TET2: variants seen among roughly 807,000 people sequenced by gnomAD.
The protein encoded by TET2 is tet methylcytosine dioxygenase 2.
A neutral mutation model predicts 142.9 loss-of-function variants in TET2; 299 were observed. The ratio of observed to expected loss-of-function variants is 2.09; its 90% CI spans 1.90 to 2.30. The LOEUF is 2.30. Ranked by LOEUF, TET2 falls within the 30% of genes most tolerant of loss-of-function variation. TET2 has a pLI of 0.00. For synonymous variants in TET2, 819 were observed against 849.0 expected (o/e 0.96, Z 0.61); for missense variants, 2,418 against 2,378.0 (o/e 1.02, Z -0.35).
rs537884010 is a variant in TET2 at position 105,204,489 on chromosome 4, A to G, written c.-47+13984A>G. On this transcript the variant is annotated intron_variant, in intron 2 of 10. Coordinates refer to ENST00000380013, the MANE Select transcript of TET2 (RefSeq NM_001127208.3). ...ATTCTCAACTAAGAATAATTTACCAATGGAGAAAACTGTTAGTTTTCCCTT... is the reference window on the plus strand; with the variant it reads ...ATTCTCAACTAAGAATAATTTACCAGTGGAGAAAACTGTTAGTTTTCCCTT... 5.9e-5 allele frequency among the ~76,000 whole-genome samples: 9 copies of G among 152,292 alleles called. No individual in the cohort carries two copies. The South Asian group carries it at 6.2e-4, about 11-fold the overall frequency.
chr4:105,174,049 C>G (rs1191315145), intron 1 of TET2, among the ~76,000 whole-genome samples: 1 of 152,094 alleles, frequency 6.6e-6, no homozygotes, highest in East Asian at 1.9e-4. Context: ...CAATTAGAAA[C>G]ATGAGCTTAG....
chr4:105,224,688 C>CTCTCTCTCTA (rs1728070123), intron 2 of TET2, among the ~76,000 whole-genome samples: 1 of 128,518 alleles, frequency 7.8e-6, no homozygotes, highest in Non-Finnish European at 1.6e-5. Context: ...CAGCCAGTCT[C>CTCTCTCTCTA]TCTCTCTCTC....
Position 105,272,427 on chromosome 4 carries a change from T to C in TET2, c.4183-137T>C, listed in dbSNP as rs1578735648. 6.6e-6 allele frequency: 4 copies of C among 606,688 alleles called. No homozygotes were observed. In the East Asian group the frequency reaches 1.1e-4, roughly 17 times the overall value. 37.6% of individuals were successfully genotyped at this position (606,688 alleles called of 1,614,324 possible). A position where few individuals can be genotyped will look rare whatever the true frequency, so the allele number is the denominator to read the frequency against. On this transcript the variant is annotated intron_variant, in intron 9 of 10. Coordinates refer to ENST00000380013, the MANE Select transcript of TET2 (RefSeq NM_001127208.3). ...AATAACAGGTAGGATGGTTTTATGG[T>C]AATATATATGTCACTGATCTGGATC...
chr4:105,270,352 G>C, intron 9 of TET2, among the ~76,000 whole-genome samples: 1 of 152,120 alleles, frequency 6.6e-6, no homozygotes, highest in East Asian at 1.9e-4. Flanking sequence ...GGAAATCCTT[G>C]GTGTTAATCT....
chr4:105,272,463 C>T, intron 9 of TET2, 101 bp from the exon 10 acceptor site: 1 of 785,432 alleles, frequency 1.3e-6, no homozygotes, highest in East Asian at 2.7e-5. Flanking sequence ...AACTAGGCCA[C>T]CAACACAAAT....
intron 2 of TET2, among the ~76,000 whole-genome samples, chr4:105,210,395 T>A (rs578109270): frequency 1.3e-5 from 2 of 152,164 alleles, no homozygotes; most frequent in Non-Finnish European, 2.9e-5. Context: ...TCAGGCTGGC[T>A]TCTCCAACTG....
intron 2 of TET2, among the ~76,000 whole-genome samples, chr4:105,208,750 C>T (rs903002661): frequency 2.6e-5 from 4 of 151,770 alleles, no homozygotes; most frequent in Non-Finnish European, 4.4e-5. Flanking sequence ...ATTAATTTAG[C>T]GTGAATTCTG....
intron 1 of TET2, among the ~76,000 whole-genome samples, chr4:105,167,664 A>G (rs1214225930): frequency 1.3e-5 from 2 of 152,210 alleles, no homozygotes; most frequent in Non-Finnish European, 2.9e-5. Context: ...GTGCCCAGGC[A>G]TAGTCAGTGA....
rs1189258992 is a variant in TET2, at chr4:105,277,675, C to T, written c.*1156C>T. On this transcript the variant is annotated 3_prime_UTR_variant, in exon 11 of 11. Transcript: ENST00000380013. ...AGTCCACAAAACATGTTTTCTGGTGCTCATCTCACATGCTATACTGTAAAA... is the reference window on the plus strand; with the variant it reads ...AGTCCACAAAACATGTTTTCTGGTGTTCATCTCACATGCTATACTGTAAAA... 2 of 229,254 alleles carry T rather than the reference C, an allele frequency of 8.7e-6. No individual in the cohort carries two copies. The highest frequency in any genetic ancestry group is 1.7e-5 in the Non-Finnish European group (2 of 115,602). The allele number at this position is 229,254 out of a possible 1,614,324, so 14.2% of individuals were successfully genotyped here. A position where few individuals can be genotyped will look rare whatever the true frequency, so the allele number is the denominator to read the frequency against.
intron 1 of TET2, among the ~76,000 whole-genome samples, chr4:105,183,624 C>G (rs1049604423): frequency 6.6e-6 from 1 of 152,028 alleles, no homozygotes; most frequent in Non-Finnish European, 1.5e-5. Context: ...GAATTAGAAC[C>G]CAAGATTAAT....
chr4:105,160,965 G>A (rs192608289), intron 1 of TET2, among the ~76,000 whole-genome samples: 254 of 152,148 alleles, frequency 1.7e-3, no homozygotes, highest in Middle Eastern at 0.014. Context: ...TAGTAGAGGC[G>A]GGGTTTTACC....
chr4:105,260,412 C>G (rs1730365165), intron 7 of TET2, among the ~76,000 whole-genome samples: 1 of 151,630 alleles, frequency 6.6e-6, no homozygotes, highest in South Asian at 2.1e-4. Context: ...CCTATAAATC[C>G]GTTGTAAAAT....
intron 2 of TET2, among the ~76,000 whole-genome samples, chr4:105,197,060 A>G (rs768897052): frequency 2.6e-5 from 4 of 152,226 alleles, no homozygotes; most frequent in Admixed American, 6.5e-5. Flanking sequence ...GTTACATTAT[A>G]TCGGAGCTTG....
intron 2 of TET2, among the ~76,000 whole-genome samples, chr4:105,228,288 T>A (rs1307549905): frequency 6.6e-6 from 1 of 152,130 alleles, no homozygotes; most frequent in Admixed American, 6.5e-5. Flanking sequence ...TTCTAACATA[T>A]AACTTTCCTG....
At chr4:105,254,481 A>C (rs1730024926) in intron 6 of TET2, among the ~76,000 whole-genome samples, 1 of 152,166 alleles carries the variant, frequency 6.6e-6, no homozygotes, top group Non-Finnish European at 1.5e-5. Flanking sequence ...GTATGATCTC[A>C]GCTCACTGCA....
rs1430117514 is a variant in TET2 at position 105,274,992 on chromosome 4, A to C, written c.4538-56A>C. The C allele has an allele frequency of 1.0e-5, 15 of 1,459,380 alleles. No homozygotes were observed. In the Admixed American group the frequency reaches 1.1e-4, roughly 11 times the overall value. 90.4% of individuals were successfully genotyped at this position (1,459,380 alleles called of 1,614,324 possible). A position where few individuals can be genotyped will look rare whatever the true frequency, so the allele number is the denominator to read the frequency against. On this transcript the variant is annotated intron_variant, in intron 10 of 10. Transcript: ENST00000380013. ...TTAAGTATCCTCACTAGCCTTCATA[A>C]AATAATCATCAACATCAAAGATACC...
intron 6 of TET2, among the ~76,000 whole-genome samples, chr4:105,258,718 C>T (rs1244437473): frequency 6.6e-6 from 1 of 152,008 alleles, no homozygotes; most frequent in Non-Finnish European, 1.5e-5. Context: ...CAATTATTTA[C>T]TTATATCACA....
At chr4:105,173,602 G>A (rs1396857374) in intron 1 of TET2, among the ~76,000 whole-genome samples, 2 of 151,998 alleles carry the variant, frequency 1.3e-5, no homozygotes, top group Non-Finnish European at 1.5e-5. Flanking sequence ...GTCAATAAAG[G>A]AAATAAAGAA....
chr4:105,239,082 T>TTTTTTTTTG (rs1553914882), intron 3 of TET2: 1 of 68,718 alleles, frequency 1.5e-5, no homozygotes, highest in African/African-American at 2.3e-4. Context: ...TTGTTTTTTT[T>TTTTTTTTTG]TTTTGTTTTT....
Sources: allele counts gnomAD v4.1 joint callset (sites outside exome capture counted in the v4.1 genomes callset), GRCh38; gene constraint gnomAD v4.1.1; transcripts MANE v1.5; gene names NCBI Gene and HGNC (gene_info 2026-07-23, HGNC 2026-07-21).